The following CYLC2 variants were observed in gnomAD, a reference collection of about 807,000 sequenced individuals.
The protein encoded by CYLC2 is cylicin-2.
A neutral mutation model predicts 26.1 loss-of-function variants in CYLC2; 30 were observed. The observed-to-expected ratio is 1.15, with a 90% CI of 0.86 to 1.56. The LOEUF (loss-of-function observed/expected upper bound fraction) is 1.56, where lower values mean the gene tolerates loss of function less well. CYLC2 is among the 40% of genes most tolerant of loss of function. The pLI is 0.00. For synonymous variants in CYLC2, 158 were observed against 132.8 expected, an observed-to-expected ratio of 1.19 and a Z score of -1.31; for missense variants, 498 against 394.4, an observed-to-expected ratio of 1.26 and a Z score of -2.23.
Position 103,005,651 on chromosome 9 carries a change from G to T in CYLC2, c.1020G>T (p.Lys340Asn). ...AGAAGAATGCAAAGAAGGATGAAAA[G>T]AAGGATGCAAAGAAGAAGGGCAAGT... is the stretch of plus-strand genomic sequence containing the variant. ...DAKKNAKKDE[K>N]KDAKKKGK The change falls in exon 5 of 8, where the codon AAG becomes AAT. Residue 340 changes from lysine (K) to asparagine (N), a missense_variant. Physicochemically the swap from Lys to Asn is moderately conservative, Grantham distance 94 (BLOSUM62 0). Coordinates refer to ENST00000374798, the MANE Select transcript of CYLC2 (RefSeq NM_001340.5). The T allele has an allele frequency of 6.2e-7, 1 of 1,611,680 alleles. No individual in the cohort carries two copies. The highest frequency in any genetic ancestry group is 8.5e-7 in the Non-Finnish European group (1 of 1,179,272).
chr9:103,013,927 ATATC>A (rs1467583638), intron 6 of CYLC2, among the ~76,000 whole-genome samples: 2 of 93,364 alleles, frequency 2.1e-5, no homozygotes, highest in Non-Finnish European at 4.2e-5. Context: ...ATTATATATC[ATATC>A]TATTATTTAA....
chr9:103,013,318 AACC>A (rs1829435436), intron 6 of CYLC2, among the ~76,000 whole-genome samples: 1 of 71,352 alleles, frequency 1.4e-5, no homozygotes, highest in South Asian at 5.7e-4. Flanking sequence ...ATGTTTATAT[AACC>A]TATATATATT....
chr9:103,000,203 T>C (rs1269107156), intron 1 of CYLC2, among the ~76,000 whole-genome samples: 2 of 151,944 alleles, frequency 1.3e-5, no homozygotes, highest in Admixed American at 1.3e-4. Flanking sequence ...TTTGGACCAC[T>C]GGTTCTTTAA....
At chr9:102,999,515 G>A (rs1829267935) in intron 1 of CYLC2, among the ~76,000 whole-genome samples, 1 of 151,508 alleles carries the variant, frequency 6.6e-6, no homozygotes, top group Non-Finnish European at 1.5e-5. Context: ...ATGCTGAATA[G>A]ATACAGTAGG....
Position 103,005,473 on chromosome 9 carries a change from A to C in CYLC2, c.842A>C (p.Asp281Ala). The C allele has an allele frequency of 6.2e-7, 1 of 1,613,822 alleles. No homozygotes were observed. ...GATAAGAAGAAGCCCAGTAGTACAG[A>C]CAGTGACTCAAAGGATGATGTCAAG... ...KKDKKKPSST[D>A]SDSKDDVKKE... The change falls in exon 5 of 8, where the codon GAC (aspartate) becomes GCC (alanine). Residue 281 changes from aspartate (D) to alanine (A), a missense_variant. Asp to Ala is a moderately radical substitution (Grantham distance 126). Coordinates refer to ENST00000374798, the MANE Select transcript of CYLC2 (RefSeq NM_001340.5).
At position 103,006,017 on chromosome 9, in the gene CYLC2, G is replaced by GAGAC. The variant is rs1481289712; in HGVS notation, c.*340_*341insGACA. On this transcript the variant is annotated 3_prime_UTR_variant, in exon 5 of 8. Coordinates refer to ENST00000374798, the MANE Select transcript of CYLC2 (RefSeq NM_001340.5). ...TGAAGATAATGACACTAAATCTATG[G>GAGAC]ACACACACACACACACACACACACA... 1.7e-5 allele frequency: 2 copies of GAGAC among 120,036 alleles called. No individual in the cohort carries two copies. The highest frequency in any genetic ancestry group is 9.1e-5 in the Admixed American group (1 of 11,016). 7.4% of individuals were successfully genotyped at this position (120,036 alleles called of 1,614,324 possible). A position where few individuals can be genotyped will look rare whatever the true frequency, so the allele number is the denominator to read the frequency against.
At chr9:103,009,439 A>G (rs1829382966) in intron 5 of CYLC2, among the ~76,000 whole-genome samples, 1 of 152,018 alleles carries the variant, frequency 6.6e-6, no homozygotes, top group Non-Finnish European at 1.5e-5. Context: ...CCTGGGCTCA[A>G]GCAATCCACC....
chr9:103,012,960 T>C (rs934139979), intron 6 of CYLC2, among the ~76,000 whole-genome samples: 26 of 149,534 alleles, frequency 1.7e-4, no homozygotes, highest in Non-Finnish European at 3.3e-4. Flanking sequence ...TTTATAAAAA[T>C]CCATAAACTT....
chr9:103,008,058 T>C (rs897993422), intron 5 of CYLC2, among the ~76,000 whole-genome samples: 2 of 151,172 alleles, frequency 1.3e-5, no homozygotes, highest in Non-Finnish European at 2.9e-5. Flanking sequence ...TTCCTCTGCA[T>C]ATAGTAAAAT....
Position 103,005,500 on chromosome 9 carries a change from AAG to A in CYLC2, c.872_873del (p.Glu291ValfsTer2). On this transcript the variant is annotated frameshift_variant, in exon 5 of 8. Coordinates refer to ENST00000374798, the MANE Select transcript of CYLC2 (RefSeq NM_001340.5). LOFTEE classifies it low-confidence loss of function (END_TRUNC). ...AGTGACTCAAAGGATGATGTCAAGA[AAG>A]AGTCTAAGAAGGACGCCACGAAAGA... is the stretch of plus-strand genomic sequence containing the variant. The A allele has an allele frequency of 6.2e-7, 1 of 1,613,586 alleles. No individual in the cohort carries two copies. The highest frequency in any genetic ancestry group is 8.5e-7 in the Non-Finnish European group (1 of 1,179,748).
chr9:103,013,994 TAC>T lies in CYLC2; in HGVS notation c.*816+1899_*816+1900del, dbSNP rs1171540675. 1.7e-3 allele frequency among the ~76,000 whole-genome samples: 192 copies of T among 115,254 alleles called. 1 individual carries two copies. The highest frequency in any genetic ancestry group is 2.7e-3 in the Non-Finnish European group (166 of 62,130). 75.6% of individuals were successfully genotyped at this position (115,254 alleles called of 152,430 possible). A position where few individuals can be genotyped will look rare whatever the true frequency, so the allele number is the denominator to read the frequency against. ...TATTATATATTATTTAATATGATAT[TAC>T]AGTTATATTATAATATATTAAATAT... On this transcript the variant is annotated intron_variant, in intron 6 of 7. Coordinates refer to ENST00000374798, the MANE Select transcript of CYLC2 (RefSeq NM_001340.5).
intron 6 of CYLC2, among the ~76,000 whole-genome samples, chr9:103,013,206 T>C (rs866398500): frequency 7.6e-6 from 1 of 131,328 alleles, no homozygotes; most frequent in Non-Finnish European, 1.6e-5. Context: ...CATATTAATG[T>C]TATATATTAA....
chr9:103,015,393 A>ATAT (rs35532240), intron 6 of CYLC2, among the ~76,000 whole-genome samples: 85,009 of 128,410 alleles, frequency 0.66, 28,468 homozygotes, highest in South Asian at 0.82. Flanking sequence ...TTAAATATAT[A>ATAT]TATATGCTTA....
In CYLC2 at chr9:103,013,262, T is replaced by TTA. The variant is rs533215794; in HGVS notation, c.*816+1173_*816+1174dup. Among the ~76,000 whole-genome samples, 431 of 109,574 alleles carry TTA rather than the reference T, an allele frequency of 3.9e-3. 17 individuals carry two copies. In the East Asian group the frequency reaches 0.098, roughly 25 times the overall value. The allele number at this position is 109,574 out of a possible 152,430, so 71.9% of individuals were successfully genotyped here. Reference sequence around the variant, plus strand: ...AACATGTAAATATATATTTAATGTGTTATATATATTATATATAACACATTA... The same window carrying TTA: ...AACATGTAAATATATATTTAATGTGTTATATATATATTATATATAACACATTA... On this transcript the variant is annotated intron_variant, in intron 6 of 7. Coordinates refer to ENST00000374798, the MANE Select transcript of CYLC2 (RefSeq NM_001340.5).
At chr9:103,007,842 G>A (rs188512988) in intron 5 of CYLC2, among the ~76,000 whole-genome samples, 2 of 152,188 alleles carry the variant, frequency 1.3e-5, no homozygotes, top group Non-Finnish European at 2.9e-5. Context: ...ACCTTCCAAG[G>A]AACAGTAAGG....
chr9:103,016,281 C>T (rs924309390), intron 6 of CYLC2, among the ~76,000 whole-genome samples: 2 of 151,782 alleles, frequency 1.3e-5, no homozygotes, highest in Admixed American at 1.3e-4. Context: ...ATTGGGTAAA[C>T]AGAGTGGCCT....
Position 103,016,946 on chromosome 9 carries a change from C to T in CYLC2, c.*875C>T, listed in dbSNP as rs1002702075. 1 of 151,782 alleles carries T rather than the reference C, an allele frequency of 6.6e-6. No homozygotes were observed. The highest frequency in any genetic ancestry group is 2.1e-4 in the South Asian group (1 of 4,826). 9.4% of individuals were successfully genotyped at this position (151,782 alleles called of 1,614,324 possible). ...AAGTTATCACAAGTGGAAAGGTTACCCTAGAAACAAAAGATGTAAGTAAAC... is the reference window on the plus strand; with the variant it reads ...AAGTTATCACAAGTGGAAAGGTTACTCTAGAAACAAAAGATGTAAGTAAAC... On this transcript the variant is annotated 3_prime_UTR_variant, in exon 7 of 8. Transcript: ENST00000374798.
intron 5 of CYLC2, among the ~76,000 whole-genome samples, chr9:103,009,332 A>G (rs1332936242): frequency 6.6e-6 from 1 of 151,968 alleles, no homozygotes; most frequent in Non-Finnish European, 1.5e-5. Context: ...CAGCCTCCCC[A>G]GCAGCTGGGA....
intron 5 of CYLC2, among the ~76,000 whole-genome samples, chr9:103,008,348 ATGT>A (rs1421051053): frequency 6.6e-6 from 1 of 151,956 alleles, no homozygotes; most frequent in African/African-American, 2.4e-5. Flanking sequence ...ATTTACATCT[ATGT>A]TGTTTTCTCA....
Sources: allele counts gnomAD v4.1 joint callset (sites outside exome capture counted in the v4.1 genomes callset), GRCh38; gene constraint gnomAD v4.1.1; transcripts MANE v1.5; gene names NCBI Gene and HGNC (gene_info 2026-07-23, HGNC 2026-07-21).